CLEC16A: variants seen among roughly 807,000 people sequenced by gnomAD.
CLEC16A encodes C-type lectin domain containing 16A, also known as protein CLEC16A.
A neutral mutation model predicts 109.5 loss-of-function variants in CLEC16A; 51 were observed. The observed-to-expected ratio is 0.47, with a 90% CI of 0.37 to 0.59. The LOEUF (loss-of-function observed/expected upper bound fraction) is 0.59. Ranked by LOEUF, CLEC16A falls within the 20% of genes least tolerant of loss-of-function variation. The probability of loss-of-function intolerance (pLI) is 0.00; values close to 1 mark genes in which losing one functional copy is unlikely to be tolerated. For synonymous variants in CLEC16A, 673 were observed against 564.2 expected (o/e 1.19, Z -2.73); for missense variants, 1,339 against 1,394.0 (o/e 0.96, Z 0.63).
rs2053414753 is a variant in CLEC16A at position 11,134,116 on chromosome 16, C to T, written c.2641+7970C>T. Among the ~76,000 whole-genome samples, 2 of 152,134 alleles carry T rather than the reference C, an allele frequency of 1.3e-5. 1 individual carries two copies. Among genetic ancestry groups the T allele is most frequent in the South Asian group, 4.2e-4 (2 of 4,810 alleles). ...CAGATACCCTCCCTCCAGCGTCAGA[C>T]CCTGAGTCCCACCACCATGCTGAAC... On this transcript the variant is annotated intron_variant, in intron 22 of 23. Transcript: ENST00000409790.
chr16:10,947,524 G>C (rs2041453237), intron 1 of CLEC16A, among the ~76,000 whole-genome samples: 1 of 152,244 alleles, frequency 6.6e-6, no homozygotes, highest in African/African-American at 2.4e-5. Context: ...GGCAGCAGGG[G>C]CGGGAGGCGG....
intron 22 of CLEC16A, among the ~76,000 whole-genome samples, chr16:11,153,246 C>T (rs1179791399): frequency 2.0e-5 from 3 of 152,132 alleles, no homozygotes; most frequent in Non-Finnish European, 2.9e-5. Flanking sequence ...CTGACACCAG[C>T]GATTTACATA....
chr16:11,060,950 G>A lies in CLEC16A; in HGVS notation c.2044G>A (p.Gly682Arg), dbSNP rs1567262367. 1 of 1,612,770 alleles carries A rather than the reference G, an allele frequency of 6.2e-7. No individual in the cohort carries two copies. Among genetic ancestry groups the A allele is most frequent in the African/African-American group, 1.3e-5 (1 of 74,994 alleles). The change falls in exon 19 of 24, where the codon GGG (glycine) becomes AGG (arginine). Residue 682 changes from glycine (G) to arginine (R), a missense_variant. By Grantham distance (125) the Gly-to-Arg change is moderately radical. Transcript: ENST00000409790. The stretch of plus-strand genomic sequence containing the variant: ...GCGTTCCCTGTCACTGCAATTGCGA[G>A]GGGAGCCTGAGACACAGTTGCCGCT... ...MLRSLSLQLR[G>R]EPETQLPLTR... is the part of the protein sequence containing the mutation.
intron 1 of CLEC16A, among the ~76,000 whole-genome samples, chr16:10,953,781 C>T (rs930391761): frequency 1.3e-5 from 2 of 152,148 alleles, no homozygotes; most frequent in Non-Finnish European, 2.9e-5. Context: ...TCGAGACCAT[C>T]CTGGCTAATA....
At chr16:10,990,390 C>G (rs762915132) in intron 10 of CLEC16A, among the ~76,000 whole-genome samples, 1 of 152,200 alleles carries the variant, frequency 6.6e-6, no homozygotes, top group Admixed American at 6.5e-5. Context: ...GAAACAGTTG[C>G]GTCTCTCTGT....
chr16:11,084,096 AC>A (rs544277257), intron 19 of CLEC16A, among the ~76,000 whole-genome samples: 2 of 151,764 alleles, frequency 1.3e-5, no homozygotes, highest in Non-Finnish European at 2.9e-5. Context: ...ATGTACCCAT[AC>A]CACCCCTTTT....
At chr16:11,035,820 G>A (rs1398568765) in intron 13 of CLEC16A, among the ~76,000 whole-genome samples, 4 of 152,164 alleles carry the variant, frequency 2.6e-5, no homozygotes, top group Non-Finnish European at 4.4e-5. Context: ...TTGTTTGTTT[G>A]TTTTGACTGA....
Position 11,166,453 on chromosome 16 carries a change from T to G in CLEC16A, c.2707T>G (p.Ser903Ala). Residue 903 changes from serine (S) to alanine (A), a missense_variant, in exon 23 of 24, where the codon TCC becomes GCC. Physicochemically the swap from Ser to Ala is moderately conservative, Grantham distance 99. Coordinates refer to ENST00000409790, the MANE Select transcript of CLEC16A (RefSeq NM_015226.3). ...GTCCCTGTCCTCACAGTCGCCACCCTCCGCCAGCGGGAGCCCCAGCGGCAG... is the reference window on the plus strand; with the variant it reads ...GTCCCTGTCCTCACAGTCGCCACCCGCCGCCAGCGGGAGCCCCAGCGGCAG... ...SPSLSSQSPP[S>A]ASGSPSGSGS... 6.2e-7 allele frequency: 1 copy of G among 1,607,466 alleles called. No individual in the cohort carries two copies. The highest frequency in any genetic ancestry group is 8.5e-7 in the Non-Finnish European group (1 of 1,179,730).
chr16:11,120,591 C>G (rs1478126815), intron 19 of CLEC16A, 24 bp from the exon 20 acceptor site: 4 of 1,593,210 alleles, frequency 2.5e-6, no homozygotes, highest in East Asian at 2.2e-5. Flanking sequence ...GTGCCTCATT[C>G]TCTTCTCACC....
At chr16:10,994,451 C>T (rs1325678258) in intron 10 of CLEC16A, among the ~76,000 whole-genome samples, 1 of 152,210 alleles carries the variant, frequency 6.6e-6, no homozygotes, top group Non-Finnish European at 1.5e-5. Context: ...CTGCACTCAT[C>T]ACCCGGCTTC....
At chr16:11,101,519 C>T (rs180795097) in intron 19 of CLEC16A, among the ~76,000 whole-genome samples, 2 of 152,338 alleles carry the variant, frequency 1.3e-5, no homozygotes, top group Admixed American at 1.3e-4. Context: ...CCCTACTGGG[C>T]TGTGAGGTCC....
intron 3 of CLEC16A, among the ~76,000 whole-genome samples, chr16:10,965,139 G>A (rs925163448): frequency 5.9e-5 from 9 of 152,284 alleles, no homozygotes; most frequent in South Asian, 2.1e-4. Context: ...TGCAGTATGC[G>A]TGGCTTTTCT....
intron 11 of CLEC16A, among the ~76,000 whole-genome samples, chr16:11,012,682 G>A (rs1038214461): frequency 2.8e-4 from 42 of 148,806 alleles, no homozygotes; most frequent in Non-Finnish European, 1.2e-4. Flanking sequence ...ATTAATGAAT[G>A]AACAGCAGTC....
chr16:11,005,087 G>A (rs2044914919), intron 11 of CLEC16A, among the ~76,000 whole-genome samples: 1 of 152,146 alleles, frequency 6.6e-6, no homozygotes, highest in Non-Finnish European at 1.5e-5. Context: ...TTTTGTTTTG[G>A]AAAGATGCTA....
At position 11,083,269 on chromosome 16, in the gene CLEC16A, C is replaced by A. The variant is rs979405020; in HGVS notation, c.2116+22247C>A. ...CATCAAACTCCTGGGCTCAAGCAAT[C>A]CTCCCACCTCAGCTTGCCAAGTAGC... On this transcript the variant is annotated intron_variant, in intron 19 of 23. Transcript: ENST00000409790. Among the ~76,000 whole-genome samples the A allele has an allele frequency of 4.6e-5, 7 of 152,296 alleles. No individual in the cohort carries two copies. In the South Asian group the frequency reaches 1.4e-3, roughly 32 times the overall value.
In CLEC16A at chr16:11,174,269, T is replaced by G. The variant is rs2068651800; in HGVS notation, c.2807-4066T>G. On this transcript the variant is annotated intron_variant, in intron 23 of 23. Coordinates refer to ENST00000409790, the MANE Select transcript of CLEC16A (RefSeq NM_015226.3). This position sits in a 1 kb window ranked among gnomAD's most constrained non-coding sequence, Gnocchi z 4.7. ...AGCTGCCACGGCACCTCACGCACAGTCAATTCAGGCAGGTCTCCCCTGTGA... is the reference window on the plus strand; with the variant it reads ...AGCTGCCACGGCACCTCACGCACAGGCAATTCAGGCAGGTCTCCCCTGTGA... The G allele has an allele frequency of 2.2e-6, 1 of 463,364 alleles. No homozygotes were observed. Among genetic ancestry groups the G allele is most frequent in the Non-Finnish European group, 4.4e-6 (1 of 226,164 alleles). The allele number at this position is 463,364 out of a possible 1,614,324, so 28.7% of individuals were successfully genotyped here.
intron 22 of CLEC16A, among the ~76,000 whole-genome samples, chr16:11,147,236 C>A (rs1456638035): frequency 6.6e-6 from 1 of 152,162 alleles, no homozygotes; most frequent in Non-Finnish European, 1.5e-5. Context: ...AATTTCCGCC[C>A]TGGCCAGATA....
At chr16:11,004,924 C>T (rs745569975) in intron 11 of CLEC16A, among the ~76,000 whole-genome samples, 1 of 152,080 alleles carries the variant, frequency 6.6e-6, no homozygotes, top group Non-Finnish European at 1.5e-5. Flanking sequence ...CCAAGGTAAG[C>T]CATGCTAATT....
chr16:11,012,482 C>G (rs2045482439), intron 11 of CLEC16A, among the ~76,000 whole-genome samples: 1 of 151,144 alleles, frequency 6.6e-6, no homozygotes, highest in African/African-American at 2.4e-5. Context: ...GTAGTCCCAG[C>G]TACTCGGGAG....
Sources: allele counts gnomAD v4.1 joint callset (sites outside exome capture counted in the v4.1 genomes callset), GRCh38; gene constraint gnomAD v4.1.1; non-coding constraint Gnocchi (gnomAD v3.1); transcripts MANE v1.5; gene names NCBI Gene and HGNC (gene_info 2026-07-23, HGNC 2026-07-21).